Variants in C1orf87 observed in about 807,000 individuals in gnomAD.
C1orf87 encodes chromosome 1 open reading frame 87.
Under a neutral mutation model 60.5 loss-of-function variants are expected in C1orf87, and 58 were observed. That is an observed-to-expected ratio of 0.96 (90% CI 0.78 to 1.19). C1orf87 has a LOEUF of 1.19. C1orf87 is among the 50% of genes most tolerant of loss of function. The pLI is 0.00. For missense variants in C1orf87, 673 were observed against 638.6 expected, an observed-to-expected ratio of 1.05 and a Z score of -0.58; for synonymous variants, 236 against 227.4, an observed-to-expected ratio of 1.04 and a Z score of -0.34.
intron 6 of C1orf87, 108 bp from the exon 7 acceptor site, chr1:60,033,749 A>G (rs1402730169): frequency 3.9e-6 from 5 of 1,295,994 alleles, no homozygotes; most frequent in Non-Finnish European, 5.3e-6. Context: ...GGAACCAGAG[A>G]GCCCATCTAC....
chr1:60,004,564 A>G (rs1462406798), intron 9 of C1orf87, among the ~76,000 whole-genome samples: 2 of 151,986 alleles, frequency 1.3e-5, no homozygotes, highest in South Asian at 2.1e-4. Flanking sequence ...AAAAATACAT[A>G]CTAGTCTACT....
At chr1:60,042,043 C>T (rs893380807) in intron 3 of C1orf87, among the ~76,000 whole-genome samples, 6 of 152,286 alleles carry the variant, frequency 3.9e-5, no homozygotes, top group African/African-American at 1.4e-4. Flanking sequence ...CTTTTCTCTC[C>T]TTGCTCCTCC....
intron 7 of C1orf87, 58 bp from the exon 8 acceptor site, chr1:60,025,556 C>T: frequency 8.0e-7 from 1 of 1,242,616 alleles, no homozygotes; most frequent in Non-Finnish European, 1.1e-6. Flanking sequence ...CAAAATGTTT[C>T]AATAGAATAC....
At chr1:60,072,001 G>A (rs937234251) in intron 2 of C1orf87, among the ~76,000 whole-genome samples, 1 of 152,104 alleles carries the variant, frequency 6.6e-6, no homozygotes, top group African/African-American at 2.4e-5. Context: ...GTGAATATTA[G>A]AAATACAGGA....
At chr1:60,040,509 T>C (rs1316999075) in intron 4 of C1orf87, among the ~76,000 whole-genome samples, 1 of 152,216 alleles carries the variant, frequency 6.6e-6, no homozygotes, top group Non-Finnish European at 1.5e-5. Flanking sequence ...GGAGACCCAT[T>C]GCAGCTGGGA....
chr1:60,056,771 A>G (rs1012118165), intron 2 of C1orf87, among the ~76,000 whole-genome samples: 2 of 152,216 alleles, frequency 1.3e-5, no homozygotes, highest in African/African-American at 4.8e-5. Context: ...ATACTATTCT[A>G]TAATCTGAAA....
At chr1:60,022,088 C>A (rs1574305495) in intron 8 of C1orf87, among the ~76,000 whole-genome samples, 1 of 146,016 alleles carries the variant, frequency 6.8e-6, no homozygotes. Flanking sequence ...GATGGGGGAG[C>A]AACTCTTATA....
At chr1:60,006,530 C>T (rs373810174) in intron 9 of C1orf87, among the ~76,000 whole-genome samples, 64 of 152,106 alleles carry the variant, frequency 4.2e-4, no homozygotes, top group Non-Finnish European at 6.0e-4. Context: ...GAGCCTCTTA[C>T]GCTACTCCTC....
chr1:60,065,252 T>A (rs546984615), intron 2 of C1orf87, among the ~76,000 whole-genome samples: 22 of 151,028 alleles, frequency 1.5e-4, no homozygotes, highest in Middle Eastern at 3.4e-3. Flanking sequence ...TTGAGACCTG[T>A]GAATAGTTGC....
intron 3 of C1orf87, among the ~76,000 whole-genome samples, chr1:60,054,030 C>T (rs1645434615): frequency 6.6e-6 from 1 of 152,112 alleles, no homozygotes. Flanking sequence ...TCTTTGGGAG[C>T]AAAAACAACA....
At chr1:59,997,871 T>A in intron 10 of C1orf87, 55 bp from the exon 11 acceptor site, 1 of 1,548,080 alleles carries the variant, frequency 6.5e-7, no homozygotes, top group African/African-American at 1.4e-5. Flanking sequence ...GCTTCTCCAA[T>A]CTCTTGGCCA....
rs1339386676 is a variant in C1orf87, at chr1:60,041,097, A to G, written c.377T>C (p.Val126Ala). ...GGATAAGGACTGGTCTCCGGTTGGT[A>G]CAGAGCTGCAGTGGACATTTGCTTG... ...PSQANVHCSS[V>A]PTGDQSLSYV... is the part of the protein sequence containing the mutation. The change falls in exon 4 of 12, where the codon GTA (valine) becomes GCA (alanine). Residue 126 changes from valine (V) to alanine (A), a missense_variant. Transcript: ENST00000371201. 8.1e-6 allele frequency: 13 copies of G among 1,607,796 alleles called. No homozygotes were observed. The highest frequency in any genetic ancestry group is 2.2e-5 in the East Asian group (1 of 44,714).
intron 10 of C1orf87, 77 bp downstream of exon 10, chr1:60,001,000 G>T: frequency 8.5e-7 from 1 of 1,180,296 alleles, no homozygotes; most frequent in Non-Finnish European, 1.2e-6. Context: ...ACAGGAGAGA[G>T]CCCCATCCAG....
intron 7 of C1orf87, among the ~76,000 whole-genome samples, chr1:60,026,503 A>G (rs1434131999): frequency 6.6e-6 from 1 of 151,820 alleles, no homozygotes; most frequent in Non-Finnish European, 1.5e-5. Context: ...AAGAGGGGAG[A>G]GTACAGAAGA....
At chr1:60,042,718 G>A (rs954048467) in intron 3 of C1orf87, among the ~76,000 whole-genome samples, 1 of 152,242 alleles carries the variant, frequency 6.6e-6, no homozygotes, top group South Asian at 2.1e-4. Context: ...GCCAAGGCTT[G>A]CAGAAGTTAA....
In C1orf87 at chr1:60,038,052, T is replaced by G; in HGVS notation, c.803A>C (p.Gln268Pro). The G allele has an allele frequency of 6.2e-7, 1 of 1,610,656 alleles. No homozygotes were observed. The highest frequency in any genetic ancestry group is 8.5e-7 in the Non-Finnish European group (1 of 1,177,398). Reference protein sequence around the residue: ...FLNSAASDYPQQNKAAADLRK... With the variant: ...FLNSAASDYPPQNKAAADLRK... The stretch of plus-strand genomic sequence containing the variant: ...CAGGTCTGCAGCTGCTTTATTTTGC[T>G]GTGGATAATCTGATGCTGCACTGTT... Residue 268 changes from glutamine to proline, a missense_variant, in exon 6 of 12, where the codon CAG (glutamine) becomes CCG (proline). By Grantham distance (76) the Gln-to-Pro change is moderately conservative. Coordinates refer to ENST00000371201, the MANE Select transcript of C1orf87 (RefSeq NM_152377.3).
intron 3 of C1orf87, among the ~76,000 whole-genome samples, chr1:60,041,466 G>T (rs1159315501): frequency 6.6e-6 from 1 of 152,188 alleles, no homozygotes; most frequent in African/African-American, 2.4e-5. Flanking sequence ...AGAGATAAGG[G>T]TATCATTAGG....
At position 60,038,122 on chromosome 1, in the gene C1orf87, T is replaced by A; in HGVS notation, c.748-15A>T. 6.9e-7 allele frequency: 1 copy of A among 1,451,330 alleles called. No homozygotes were observed. Among genetic ancestry groups the A allele is most frequent in the Non-Finnish European group, 9.5e-7 (1 of 1,054,076 alleles). The allele number at this position is 1,451,330 out of a possible 1,614,324, so 89.9% of individuals were successfully genotyped here. A position where few individuals can be genotyped will look rare whatever the true frequency, so the allele number is the denominator to read the frequency against. Reference sequence around the variant, plus strand: ...TCATAATTCACCTGAAAATTAAATGTAAAATAGAACATCCTCATTTAATTT... The same window carrying A: ...TCATAATTCACCTGAAAATTAAATGAAAAATAGAACATCCTCATTTAATTT... On this transcript the variant is annotated splice_polypyrimidine_tract_variant and intron_variant, in intron 5 of 11. Coordinates refer to ENST00000371201, the MANE Select transcript of C1orf87 (RefSeq NM_152377.3).
chr1:60,025,523 A>T, intron 7 of C1orf87, 25 bp from the exon 8 acceptor site: 2 of 1,527,670 alleles, frequency 1.3e-6, no homozygotes, highest in Non-Finnish European at 1.8e-6. Context: ...AAAATAAAAA[A>T]GATTTGATGT....
Sources: gnomAD v4.1 joint callset for allele counts (sites outside exome capture counted in the v4.1 genomes callset) on GRCh38, gnomAD v4.1.1 for gene constraint, MANE v1.5 for transcripts, NCBI Gene and HGNC (gene_info 2026-07-23, HGNC 2026-07-21) for gene names.